Variants in TTLL11 observed in about 807,000 individuals in gnomAD.
The protein encoded by TTLL11 is tubulin polyglutamylase TTLL11.
In TTLL11, 42 loss-of-function variants were observed where a neutral mutation model predicts 51.7. The observed-to-expected ratio is 0.81, with a 90% CI of 0.64 to 1.05. The LOEUF (loss-of-function observed/expected upper bound fraction) is 1.05, where lower values mean the gene tolerates loss of function less well. TTLL11 is among the 50% of genes least tolerant of loss of function. The probability of loss-of-function intolerance (pLI) is 0.00; values close to 1 mark genes in which losing one functional copy is unlikely to be tolerated. For missense variants in TTLL11, 799 were observed against 940.4 expected, an observed-to-expected ratio of 0.85 and a Z score of 1.97; for synonymous variants, 381 against 383.5, an observed-to-expected ratio of 0.99 and a Z score of 0.08.
chr9:121,905,555 G>A (rs1425165430), intron 6 of TTLL11, among the ~76,000 whole-genome samples: 1 of 152,024 alleles, frequency 6.6e-6, no homozygotes, highest in Non-Finnish European at 1.5e-5. Flanking sequence ...GTTTCACCAT[G>A]TTGCCCAGGC....
chr9:122,006,556 T>C (rs1292888212), intron 3 of TTLL11, among the ~76,000 whole-genome samples: 1 of 152,180 alleles, frequency 6.6e-6, no homozygotes, highest in Non-Finnish European at 1.5e-5. Flanking sequence ...TAATAACTAA[T>C]CAAATATTGT....
At chr9:122,087,301 C>T (rs1846150509) in intron 1 of TTLL11, among the ~76,000 whole-genome samples, 2 of 152,178 alleles carry the variant, frequency 1.3e-5, no homozygotes, top group East Asian at 3.8e-4. Flanking sequence ...CCTCCGCCTC[C>T]CGGGTTCAAG....
chr9:121,934,993 C>T (rs1341982867), intron 6 of TTLL11, among the ~76,000 whole-genome samples: 4 of 152,100 alleles, frequency 2.6e-5, no homozygotes, highest in Non-Finnish European at 5.9e-5. Flanking sequence ...CTAGCTCTGT[C>T]ACCCAGGCTG....
At chr9:121,891,881 G>C (rs1327948907) in intron 6 of TTLL11, among the ~76,000 whole-genome samples, 3 of 150,454 alleles carry the variant, frequency 2.0e-5, no homozygotes, top group Non-Finnish European at 4.4e-5. Flanking sequence ...TCTCACCTGG[G>C]CTAAATCCTC....
chr9:121,958,804 T>A (rs1009384491), intron 6 of TTLL11, among the ~76,000 whole-genome samples: 3 of 152,214 alleles, frequency 2.0e-5, no homozygotes, highest in Non-Finnish European at 4.4e-5. Flanking sequence ...GAAATGACTC[T>A]ATGGACTTCC....
intron 3 of TTLL11, 152 bp downstream of exon 3, chr9:122,031,571 T>C (rs1160620473): frequency 1.2e-6 from 1 of 838,144 alleles, no homozygotes; most frequent in Non-Finnish European, 1.7e-6. Context: ...CAAGCTGTTT[T>C]GATAGCTGCC....
chr9:121,981,942 C>T (rs1484592119), intron 4 of TTLL11, among the ~76,000 whole-genome samples: 2 of 152,198 alleles, frequency 1.3e-5, no homozygotes, highest in African/African-American at 2.4e-5. Flanking sequence ...TATTCTTTGT[C>T]CAGCTTTGTG....
intron 6 of TTLL11, among the ~76,000 whole-genome samples, chr9:121,959,398 G>T (rs11999418): frequency 3.9e-5 from 6 of 152,022 alleles, no homozygotes; most frequent in Non-Finnish European, 4.4e-5. Context: ...AGATAATATC[G>T]CTGGAAGTCT....
chr9:121,963,078 GC>G (rs1193968073), intron 6 of TTLL11, among the ~76,000 whole-genome samples: 1 of 152,162 alleles, frequency 6.6e-6, no homozygotes, highest in African/African-American at 2.4e-5. Context: ...GGTGGACTTG[GC>G]CATGCCACTC....
chr9:121,964,811 T>C (rs1482832362), intron 6 of TTLL11, among the ~76,000 whole-genome samples: 1 of 152,114 alleles, frequency 6.6e-6, no homozygotes, highest in Non-Finnish European at 1.5e-5. Context: ...GCTTTAAACC[T>C]CAGGTCAAGT....
intron 6 of TTLL11, among the ~76,000 whole-genome samples, chr9:121,872,466 G>A (rs1838390639): frequency 6.6e-6 from 1 of 152,236 alleles, no homozygotes; most frequent in African/African-American, 2.4e-5. Flanking sequence ...CATACTTGGT[G>A]TTTGAGAAAG....
At chr9:121,893,531 G>A (rs993306879) in intron 6 of TTLL11, among the ~76,000 whole-genome samples, 5 of 152,232 alleles carry the variant, frequency 3.3e-5, no homozygotes, top group African/African-American at 4.8e-5. Context: ...GTGTCCCACA[G>A]CAGGTCTATG....
intron 6 of TTLL11, among the ~76,000 whole-genome samples, chr9:121,953,632 CAAA>C (rs57176138): frequency 2.8e-5 from 2 of 70,944 alleles, no homozygotes; most frequent in African/African-American, 5.6e-5. Flanking sequence ...GATGCCGCCT[CAAA>C]AAAAAAAAAA....
intron 6 of TTLL11, among the ~76,000 whole-genome samples, chr9:121,886,965 G>T (rs144452137): frequency 6.6e-6 from 1 of 152,300 alleles, no homozygotes; most frequent in African/African-American, 2.4e-5. Context: ...GCTCAGCTGC[G>T]TGGGATGAAC....
At chr9:121,873,957 G>T (rs1217965212) in intron 6 of TTLL11, among the ~76,000 whole-genome samples, 1 of 145,260 alleles carries the variant, frequency 6.9e-6, no homozygotes, top group African/African-American at 2.6e-5. Context: ...TGATTCTCTT[G>T]TCTCAGCCTC....
chr9:121,852,335 C>G (rs1378441795), intron 8 of TTLL11, among the ~76,000 whole-genome samples: 6 of 152,158 alleles, frequency 3.9e-5, no homozygotes, highest in Non-Finnish European at 7.3e-5. Context: ...TCAAAGGACA[C>G]TGAGGCTCCC....
chr9:121,975,090 G>T, intron 4 of TTLL11, 111 bp from the exon 5 acceptor site: 1 of 743,480 alleles, frequency 1.3e-6, no homozygotes, highest in Non-Finnish European at 2.0e-6. Flanking sequence ...CTTGACCCTG[G>T]CTTCTCTTGT....
intron 6 of TTLL11, among the ~76,000 whole-genome samples, chr9:121,883,337 G>A (rs1385079077): frequency 6.6e-6 from 1 of 152,134 alleles, no homozygotes; most frequent in Non-Finnish European, 1.5e-5. Context: ...CAAGGGGCTG[G>A]CACCCTGGTT....
intron 4 of TTLL11, among the ~76,000 whole-genome samples, chr9:121,978,016 T>C (rs1272802745): frequency 1.3e-5 from 2 of 152,180 alleles, no homozygotes; most frequent in African/African-American, 4.8e-5. Context: ...CCAAGAACTA[T>C]TCTAGCTGCT....
Sources: gnomAD v4.1 joint callset for allele counts (sites outside exome capture counted in the v4.1 genomes callset) on GRCh38, gnomAD v4.1.1 for gene constraint, MANE v1.5 for transcripts, NCBI Gene and HGNC (gene_info 2026-07-23, HGNC 2026-07-21) for gene names.